COG5: variants seen among roughly 807,000 people sequenced by gnomAD.
COG5 encodes the protein conserved oligomeric Golgi complex subunit 5.
In COG5, 86 loss-of-function variants were observed where a neutral mutation model predicts 110.4. The ratio of observed to expected loss-of-function variants is 0.78; its 90% confidence interval spans 0.65 to 0.93. The LOEUF (loss-of-function observed/expected upper bound fraction) is 0.93, where lower values mean the gene tolerates loss of function less well. Ranked by LOEUF, COG5 falls within the 40% of genes least tolerant of loss-of-function variation. The pLI, the probability that COG5 is intolerant of heterozygous loss-of-function variation, is 0.00. For synonymous variants in COG5, 360 were observed against 334.6 expected (o/e 1.08, Z -0.83); for missense variants, 1,077 against 987.0 (o/e 1.09, Z -1.22).
chr7:107,452,659 T>C (rs919184188), intron 6 of COG5, among the ~76,000 whole-genome samples: 1 of 152,140 alleles, frequency 6.6e-6, no homozygotes, highest in Non-Finnish European at 1.5e-5. Flanking sequence ...CCTTTCCCCA[T>C]GATTGTGAGG....
chr7:107,367,629 T>G (rs1813751837), intron 8 of COG5, among the ~76,000 whole-genome samples: 1 of 152,026 alleles, frequency 6.6e-6, no homozygotes, highest in Admixed American at 6.6e-5. Flanking sequence ...AATAATATCT[T>G]TTGCAGCAAC....
In COG5 at chr7:107,362,375, G is replaced by A. The variant is rs1584729996; in HGVS notation, c.881C>T (p.Ala294Val). The A allele has an allele frequency of 6.2e-7, 1 of 1,613,966 alleles. No individual in the cohort carries two copies. Among genetic ancestry groups the A allele is most frequent in the Non-Finnish European group, 8.5e-7 (1 of 1,179,878 alleles). Residue 294 changes from alanine to valine, a missense_variant, in exon 9 of 22, where the codon GCT (alanine) becomes GTT (valine). Physicochemically the swap from Ala to Val is moderately conservative, Grantham distance 64. Transcript: ENST00000297135. The part of the protein sequence containing the change: ...STMPTPGNTA[A>V]LRASFWTNME... ...ATTGGTCCAGAATGAGGCACGCAAAGCTGCAGTATTTCCTGGGGTTGGCAT... is the reference window on the plus strand; with the variant it reads ...ATTGGTCCAGAATGAGGCACGCAAAACTGCAGTATTTCCTGGGGTTGGCAT...
chr7:107,254,288 C>T (rs1255535212), intron 16 of COG5, among the ~76,000 whole-genome samples: 1 of 152,050 alleles, frequency 6.6e-6, no homozygotes, highest in African/African-American at 2.4e-5. Context: ...GGGCTGCAGG[C>T]ATTTATACAT....
intron 5 of COG5, among the ~76,000 whole-genome samples, chr7:107,530,523 C>T (rs998506464): frequency 4.7e-5 from 7 of 150,068 alleles, no homozygotes; most frequent in Admixed American, 1.3e-4. Flanking sequence ...ATCGCTTGAA[C>T]CCGGGAGGCG....
intron 21 of COG5, among the ~76,000 whole-genome samples, chr7:107,204,086 T>C (rs1168135361): frequency 6.6e-6 from 1 of 152,202 alleles, no homozygotes; most frequent in Non-Finnish European, 1.5e-5. Flanking sequence ...TGCATTATAT[T>C]CCTGTTATTT....
At chr7:107,386,750 T>A (rs1393689380) in intron 7 of COG5, among the ~76,000 whole-genome samples, 1 of 152,112 alleles carries the variant, frequency 6.6e-6, no homozygotes, top group Non-Finnish European at 1.5e-5. Context: ...ATGCTAGACA[T>A]AAAGCTCTGG....
intron 6 of COG5, among the ~76,000 whole-genome samples, chr7:107,497,503 A>C (rs529403547): frequency 6.6e-6 from 1 of 152,206 alleles, no homozygotes; most frequent in East Asian, 1.9e-4. Flanking sequence ...TACCAACAAC[A>C]ATCTATATGA....
chr7:107,237,456 G>A (rs1315533568), intron 17 of COG5, among the ~76,000 whole-genome samples: 1 of 152,202 alleles, frequency 6.6e-6, no homozygotes, highest in African/African-American at 2.4e-5. Context: ...ACATCATGCT[G>A]AATCTTTTTC....
chr7:107,417,997 A>G (rs988435544), intron 6 of COG5, among the ~76,000 whole-genome samples: 1 of 152,160 alleles, frequency 6.6e-6, no homozygotes, highest in African/African-American at 2.4e-5. Flanking sequence ...TCAGAACACA[A>G]TCATAAAATT....
intron 5 of COG5, among the ~76,000 whole-genome samples, chr7:107,537,686 T>C (rs981246564): frequency 6.0e-4 from 91 of 151,182 alleles, no homozygotes; most frequent in African/African-American, 1.7e-3. Flanking sequence ...TGTATACCTA[T>C]GTAACAAACC....
intron 12 of COG5, among the ~76,000 whole-genome samples, chr7:107,292,287 T>C (rs1806237326): frequency 1.3e-5 from 2 of 152,074 alleles, no homozygotes; most frequent in Admixed American, 1.3e-4. Flanking sequence ...CCTGCCTTGG[T>C]CTCCCAAACT....
At chr7:107,375,805 A>G (rs1184570256) in intron 7 of COG5, among the ~76,000 whole-genome samples, 1 of 151,994 alleles carries the variant, frequency 6.6e-6, no homozygotes, top group African/African-American at 2.4e-5. Context: ...AGGAAAAGAA[A>G]TTCCTAATTT....
Position 107,548,285 on chromosome 7 carries a change from C to T in COG5, c.340G>A (p.Val114Ile). The change falls in exon 4 of 22, where the codon GTT becomes ATT. Residue 114 changes from valine to isoleucine, a missense_variant. Coordinates refer to ENST00000297135, the MANE Select transcript of COG5 (RefSeq NM_006348.5). ...TAAAATTAAGAACAGTACCTATCAA[C>T]AGCTCCCTGTAAAGCCCCAATTCTC... Reference protein sequence around the residue: ...QTRIGALQGAVDRIKAKIVEP... With the variant: ...QTRIGALQGAIDRIKAKIVEP... 1 of 1,612,852 alleles carries T rather than the reference C, an allele frequency of 6.2e-7. No individual in the cohort carries two copies. Among genetic ancestry groups the T allele is most frequent in the Non-Finnish European group, 8.5e-7 (1 of 1,178,870 alleles).
At chr7:107,369,065 C>G (rs1343265458) in intron 8 of COG5, among the ~76,000 whole-genome samples, 6 of 152,188 alleles carry the variant, frequency 3.9e-5, no homozygotes, top group African/African-American at 1.4e-4. Flanking sequence ...TCCCAAGTAG[C>G]TGGGATTAGA....
At chr7:107,242,280 C>T (rs1290000589) in intron 17 of COG5, among the ~76,000 whole-genome samples, 5 of 152,184 alleles carry the variant, frequency 3.3e-5, no homozygotes, top group East Asian at 1.9e-4. Context: ...ACGCCTCACC[C>T]GGGAGCAACA....
At position 107,548,261 on chromosome 7, in the gene COG5, A is replaced by G; in HGVS notation, c.347+17T>C. On this transcript the variant is annotated intron_variant, in intron 4 of 21. Transcript: ENST00000297135. Reference sequence around the variant, plus strand: ...AAACATTCCCATTCCATTTATTTATAAAATTAAGAACAGTACCTATCAACA... The same window carrying G: ...AAACATTCCCATTCCATTTATTTATGAAATTAAGAACAGTACCTATCAACA... 1 of 1,607,652 alleles carries G rather than the reference A, an allele frequency of 6.2e-7. No homozygotes were observed. The highest frequency in any genetic ancestry group is 8.5e-7 in the Non-Finnish European group (1 of 1,174,114).
At chr7:107,534,773 T>A (rs1185106848) in intron 5 of COG5, among the ~76,000 whole-genome samples, 1 of 151,360 alleles carries the variant, frequency 6.6e-6, no homozygotes, top group Non-Finnish European at 1.5e-5. Flanking sequence ...AACAGAAAAT[T>A]AACAAGGATA....
At chr7:107,494,973 G>A (rs376907736) in intron 6 of COG5, among the ~76,000 whole-genome samples, 5 of 152,046 alleles carry the variant, frequency 3.3e-5, no homozygotes, top group Admixed American at 1.3e-4. Flanking sequence ...CCAAATCCCC[G>A]CCTTATCATT....
intron 6 of COG5, among the ~76,000 whole-genome samples, chr7:107,467,134 A>G (rs1293004480): frequency 6.6e-6 from 1 of 152,218 alleles, no homozygotes; most frequent in Non-Finnish European, 1.5e-5. Flanking sequence ...TGCAATTAAA[A>G]TATTTATAAC....
Sources: gnomAD v4.1 joint callset for allele counts (sites outside exome capture counted in the v4.1 genomes callset) on GRCh38, gnomAD v4.1.1 for gene constraint, MANE v1.5 for transcripts, NCBI Gene and HGNC (gene_info 2026-07-23, HGNC 2026-07-21) for gene names.